DOCK6: variants seen among roughly 807,000 people sequenced by gnomAD.
The protein encoded by DOCK6 is dedicator of cytokinesis 6.
A neutral mutation model predicts 230.3 loss-of-function variants in DOCK6; 167 were observed. The ratio of observed to expected loss-of-function variants is 0.73; its 90% CI spans 0.64 to 0.82. The LOEUF is 0.82. Ranked by LOEUF, DOCK6 falls within the 40% of genes least tolerant of loss-of-function variation. The pLI is 0.00. For missense variants in DOCK6, 2,598 were observed against 2,825.8 expected (o/e 0.92, Z 1.83); for synonymous variants, 1,148 against 1,185.0 (o/e 0.97, Z 0.64).
intron 7 of DOCK6, among the ~76,000 whole-genome samples, chr19:11,246,270 A>G (rs770108126): frequency 2.2e-4 from 33 of 150,528 alleles, no homozygotes; most frequent in Non-Finnish European, 4.6e-4. Context: ...GTTTCTATGT[A>G]TGTATTTATT....
rs941969679 is a variant in DOCK6 at position 11,227,602 on chromosome 19, G to A, written c.2815-125C>T. 1.3e-4 allele frequency: 151 copies of A among 1,161,818 alleles called. 2 individuals are homozygous for A. In the South Asian group the frequency reaches 1.9e-3, roughly 15 times the overall value. 72.0% of individuals were successfully genotyped at this position (1,161,818 alleles called of 1,614,324 possible). On this transcript the variant is annotated intron_variant, in intron 23 of 47. Transcript: ENST00000294618. ...AAGGACTGTGGGTGGGGCTTGAAGGGCTGTGGGTGGAGGAGGCTTGACAGG... is the reference window on the plus strand; with the variant it reads ...AAGGACTGTGGGTGGGGCTTGAAGGACTGTGGGTGGAGGAGGCTTGACAGG...
At chr19:11,218,447 AATTTT>A (rs1208865292) in intron 28 of DOCK6, among the ~76,000 whole-genome samples, 1 of 150,630 alleles carries the variant, frequency 6.6e-6, no homozygotes, top group Non-Finnish European at 1.5e-5. Context: ...GCACTTGGCC[AATTTT>A]ATTTTATTTT....
At chr19:11,254,606 C>T (rs1028517502) in intron 1 of DOCK6, among the ~76,000 whole-genome samples, 20 of 151,742 alleles carry the variant, frequency 1.3e-4, no homozygotes. Context: ...CGCTTGAACC[C>T]GGGAGGCGCA....
At chr19:11,241,536 T>A (rs1225447846) in intron 14 of DOCK6, 8 of 1,552,922 alleles carry the variant, frequency 5.2e-6, no homozygotes, top group African/African-American at 4.1e-5. Flanking sequence ...CAGCATCGGC[T>A]GCGACAGATC....
In DOCK6 at chr19:11,245,553, C is replaced by T; in HGVS notation, c.1023+10G>A. ...CCATTACCACCCCCTTGCCCAGCCCCAGCAGGCACCTTGATGACCAGGAAG... is the reference window on the plus strand; with the variant it reads ...CCATTACCACCCCCTTGCCCAGCCCTAGCAGGCACCTTGATGACCAGGAAG... On this transcript the variant is annotated intron_variant, in intron 9 of 47. Transcript: ENST00000294618. The T allele has an allele frequency of 6.4e-7, 1 of 1,553,142 alleles. No individual in the cohort carries two copies. The highest frequency in any genetic ancestry group is 8.7e-7 in the Non-Finnish European group (1 of 1,147,852).
At position 11,258,438 on chromosome 19, in the gene DOCK6, C is replaced by CT. The variant is rs1039882652; in HGVS notation, c.44+3958dup. Among the ~76,000 whole-genome samples the CT allele has an allele frequency of 7.6e-3, 1,109 of 146,046 alleles. 11 individuals are homozygous for CT. The highest frequency in any genetic ancestry group is 0.024 in the African/African-American group (964 of 40,090). ...CGCACTTTTCTTTCTCTCTCTCTCT[C>CT]TTTTTTTTTTTTCCTTGAGATGGAG... On this transcript the variant is annotated intron_variant, in intron 1 of 47. Transcript: ENST00000294618.
chr19:11,232,490 G>A (rs956547288), intron 22 of DOCK6, among the ~76,000 whole-genome samples: 8 of 152,106 alleles, frequency 5.3e-5, no homozygotes, highest in African/African-American at 1.9e-4. Context: ...ACAGGTGCAT[G>A]CATACACACC....
Position 11,211,995 on chromosome 19 carries a change from G to C in DOCK6, c.4648C>G (p.Gln1550Glu). Residue 1550 changes from glutamine to glutamate, a missense_variant and splice_region_variant, in exon 36 of 48, where the codon CAG (glutamine) becomes GAG (glutamate). Transcript: ENST00000294618. Reference sequence around the variant, plus strand: ...GGCGGGGACCCAGCAGGTGTCACCTGCTCTGCGAAGGTGCTGTCCCGCAGC... The same window carrying C: ...GGCGGGGACCCAGCAGGTGTCACCTCCTCTGCGAAGGTGCTGTCCCGCAGC... ...MGLRDSTFAE[Q>E]VQDLMFNLHM... 6.2e-7 allele frequency: 1 copy of C among 1,602,156 alleles called. No individual in the cohort carries two copies. Among genetic ancestry groups the C allele is most frequent in the South Asian group, 1.1e-5 (1 of 89,416 alleles).
In DOCK6 at chr19:11,201,157, G is replaced by T; in HGVS notation, c.5689-105C>A. 2 of 1,412,910 alleles carry T rather than the reference G, an allele frequency of 1.4e-6. No individual in the cohort carries two copies. Among genetic ancestry groups the T allele is most frequent in the East Asian group, 2.5e-5 (1 of 40,588 alleles). The allele number at this position is 1,412,910 out of a possible 1,614,324, so 87.5% of individuals were successfully genotyped here. On this transcript the variant is annotated intron_variant, in intron 44 of 47. Transcript: ENST00000294618. This position sits in a 1 kb window ranked among gnomAD's most constrained non-coding sequence, Gnocchi z 4.3. ...CCCGCTGGGAGTGAGAGGGGTCCAAGAACCCAGGCAATGAACAGAATCTGG... is the reference window on the plus strand; with the variant it reads ...CCCGCTGGGAGTGAGAGGGGTCCAATAACCCAGGCAATGAACAGAATCTGG...
At chr19:11,205,870 C>G (rs1376786187) in intron 39 of DOCK6, 1 of 151,782 alleles carries the variant, frequency 6.6e-6, no homozygotes, top group East Asian at 1.9e-4. Flanking sequence ...AGTGATCTGC[C>G]CGCCCCGGCC....
chr19:11,244,861 T>C (rs2080008061), intron 9 of DOCK6, among the ~76,000 whole-genome samples: 1 of 152,216 alleles, frequency 6.6e-6, no homozygotes, highest in East Asian at 1.9e-4. Context: ...CCCAAAGTGC[T>C]AGGATTACAG....
At position 11,257,407 on chromosome 19, in the gene DOCK6, G is replaced by A. The variant is rs541045613; in HGVS notation, c.45-3681C>T. On this transcript the variant is annotated intron_variant, in intron 1 of 47. Coordinates refer to ENST00000294618, the MANE Select transcript of DOCK6 (RefSeq NM_020812.4). The stretch of plus-strand genomic sequence containing the variant: ...TTTGGGAGGCCAAGGCGGGAGGATC[G>A]CTTGAGCCCAGGAGTTTGAGGCTGC... 1.5e-4 allele frequency among the ~76,000 whole-genome samples: 22 copies of A among 143,748 alleles called. No individual in the cohort carries two copies. The South Asian group carries it at 3.7e-3, about 24-fold the overall frequency. The allele number at this position is 143,748 out of a possible 152,430, so 94.3% of individuals were successfully genotyped here.
intron 29 of DOCK6, 47 bp downstream of exon 29, chr19:11,217,184 C>G (rs773060207): frequency 3.7e-6 from 6 of 1,601,026 alleles, no homozygotes; most frequent in Non-Finnish European, 5.1e-6. Flanking sequence ...CATGACTTCT[C>G]TCATTCAAAG....
At chr19:11,211,358 G>T (rs2079381231) in intron 37 of DOCK6, among the ~76,000 whole-genome samples, 1 of 150,218 alleles carries the variant, frequency 6.7e-6, no homozygotes, top group Admixed American at 6.6e-5. Context: ...CTACTCTCTG[G>T]ATCTCATTTC....
chr19:11,243,582 C>T lies in DOCK6; in HGVS notation c.1233G>A (p.Leu411=). The change falls in exon 11 of 48, where the codon CTG becomes CTA. Residue 411 remains leucine (L), a synonymous_variant. Transcript: ENST00000294618. The surrounding 1 kb of genome is among the most constrained non-coding windows in gnomAD (Gnocchi z 6.3). ...LANIVSSAGQ[L]DRDSDSEGER... is the part of the protein sequence containing the mutation. ...CGCCCTCCGAGTCAGAGTCCCGGTCCAGCTGCCCAGCGCTGCTCACGATGT... is the reference window on the plus strand; with the variant it reads ...CGCCCTCCGAGTCAGAGTCCCGGTCTAGCTGCCCAGCGCTGCTCACGATGT... 6.2e-7 allele frequency: 1 copy of T among 1,608,094 alleles called. No homozygotes were observed. Among genetic ancestry groups the T allele is most frequent in the Non-Finnish European group, 8.5e-7 (1 of 1,178,060 alleles).
At chr19:11,251,421 G>T in intron 5 of DOCK6, 1 of 231,000 alleles carries the variant, frequency 4.3e-6, no homozygotes, top group Non-Finnish European at 8.7e-6. Flanking sequence ...CCTTCCCTGG[G>T]ACTTTGTTCA....
Position 11,228,946 on chromosome 19 carries a change from C to T in DOCK6, c.2808G>A (p.Gln936=), listed in dbSNP as rs973671019. 6.2e-7 allele frequency: 1 copy of T among 1,613,342 alleles called. No homozygotes were observed. Among genetic ancestry groups the T allele is most frequent in the Non-Finnish European group, 8.5e-7 (1 of 1,179,704 alleles). The change falls in exon 23 of 48, where the codon CAG becomes CAA. Residue 936 remains glutamine (Q), a synonymous_variant. Transcript: ENST00000294618. ...AILQHAWFFF[Q]LMVKSMALHL... is the part of the protein sequence containing the mutation. ...AGGGAGGAGGGGGTCTCACCATGAG[C>T]TGGAAGAAGAACCAGGCGTGCTGGA...
Position 11,250,975 on chromosome 19 carries a change from G to A in DOCK6, c.619C>T (p.Leu207=). ...LAADSLLPSL[L]ERAAPEDVDR... is the part of the protein sequence containing the mutation. ...ACATCTTCTGGGGCCGCCCGCTCTA[G>A]CAGAGAGGGCAGCAATGAGTCAGCT... The change falls in exon 6 of 48, where the codon CTA becomes TTA. Residue 207 remains leucine, a synonymous_variant. Transcript: ENST00000294618. The A allele has an allele frequency of 6.2e-7, 1 of 1,613,856 alleles. No individual in the cohort carries two copies. The highest frequency in any genetic ancestry group is 1.7e-5 in the Admixed American group (1 of 60,022).
Position 11,253,669 on chromosome 19 carries a change from G to A in DOCK6, c.102C>T (p.His34=), listed in dbSNP as rs1453169592. ...QVSRERSGSP[H]SSRRCSSSLG... is the part of the protein sequence containing the mutation. ...GGGAGCTGCTGCAGCGCCTGCTGGA[G>A]TGGGGGGAGCCACTGCGTTCCCGGG... The change falls in exon 2 of 48, where the codon CAC becomes CAT. Residue 34 remains histidine, a synonymous_variant. Transcript: ENST00000294618. The A allele has an allele frequency of 6.2e-6, 9 of 1,462,546 alleles. No individual in the cohort carries two copies. Among genetic ancestry groups the A allele is most frequent in the Non-Finnish European group, 7.2e-6 (8 of 1,113,864 alleles). The allele number at this position is 1,462,546 out of a possible 1,614,324, so 90.6% of individuals were successfully genotyped here.
Sources: gnomAD v4.1 joint callset for allele counts (sites outside exome capture counted in the v4.1 genomes callset) on GRCh38, gnomAD v4.1.1 for gene constraint, Gnocchi (gnomAD v3.1) non-coding constraint, MANE v1.5 for transcripts, NCBI Gene and HGNC (gene_info 2026-07-23, HGNC 2026-07-21) for gene names.